Variants in ADAM29 observed in about 807,000 individuals in gnomAD.
The protein encoded by ADAM29 is ADAM metallopeptidase domain 29.
For synonymous variants in ADAM29, 367 were observed against 342.3 expected (o/e 1.07, Z -0.80); for missense variants, 969 against 1,001.8 (o/e 0.97, Z 0.44).
At chr4:174,920,907 A>G (rs897925787) in intron 2 of ADAM29, 115 bp downstream of exon 2, 2 of 152,166 alleles carry the variant, frequency 1.3e-5, no homozygotes, top group African/African-American at 2.4e-5. Flanking sequence ...GTTGACTATT[A>G]TCAAGGTGGA....
intron 2 of ADAM29, among the ~76,000 whole-genome samples, chr4:174,923,554 TATATATAC>T (rs1249788946): frequency 1.6e-5 from 2 of 124,456 alleles, no homozygotes; most frequent in Non-Finnish European, 3.6e-5. Context: ...TATATATATA[TATATATAC>T]ACACACACAT....
At position 174,962,396 on chromosome 4, in the gene ADAM29, C is replaced by T. The variant is rs576415786; in HGVS notation, c.-180-12950C>T. Among the ~76,000 whole-genome samples, 1,246 of 151,762 alleles carry T rather than the reference C, an allele frequency of 8.2e-3. 21 individuals carry two copies. Among genetic ancestry groups the T allele is most frequent in the African/African-American group, 0.027 (1,117 of 41,352 alleles). ...GCGTGGTGGGGGGCGCCTGTAGTCC[C>T]AGCTACTCGGGAGGCTGAGGCAGGA... On this transcript the variant is annotated intron_variant, in intron 4 of 4. Transcript: ENST00000359240.
intron 2 of ADAM29, among the ~76,000 whole-genome samples, chr4:174,928,337 G>T (rs545514302): frequency 6.6e-6 from 1 of 152,142 alleles, no homozygotes; most frequent in South Asian, 2.1e-4. Context: ...GCATCCTGGA[G>T]ATGTTTTTTG....
At chr4:174,946,758 C>A (rs1453099528) in intron 4 of ADAM29, among the ~76,000 whole-genome samples, 1 of 152,092 alleles carries the variant, frequency 6.6e-6, no homozygotes, top group Non-Finnish European at 1.5e-5. Flanking sequence ...ATGCTGGCCT[C>A]ATAGAATGAG....
chr4:174,935,060 A>G (rs368742078), intron 3 of ADAM29, among the ~76,000 whole-genome samples: 1 of 152,308 alleles, frequency 6.6e-6, no homozygotes, highest in African/African-American at 2.4e-5. Context: ...GTGTTCATAT[A>G]TTATAGGCAT....
chr4:174,965,967 T>C (rs930571567), intron 4 of ADAM29, among the ~76,000 whole-genome samples: 9 of 152,220 alleles, frequency 5.9e-5, no homozygotes, highest in African/African-American at 2.2e-4. Flanking sequence ...AGTCATCCCT[T>C]GATATCCAAG....
intron 4 of ADAM29, among the ~76,000 whole-genome samples, chr4:174,960,556 T>C (rs1399417127): frequency 1.3e-5 from 2 of 152,166 alleles, no homozygotes; most frequent in African/African-American, 4.8e-5. Flanking sequence ...TAAATCATTC[T>C]GGATGAGAAG....
intron 4 of ADAM29, among the ~76,000 whole-genome samples, chr4:174,972,564 C>T (rs1055439901): frequency 6.6e-6 from 1 of 152,028 alleles, no homozygotes; most frequent in Non-Finnish European, 1.5e-5. Flanking sequence ...TTGTGTAGTC[C>T]TGGAGAGGTT....
At chr4:174,928,569 T>TAAAAAAAAAAAAAA (rs70947474) in intron 2 of ADAM29, among the ~76,000 whole-genome samples, 1 of 131,814 alleles carries the variant, frequency 7.6e-6, no homozygotes, top group Non-Finnish European at 1.6e-5. Flanking sequence ...GTCATGTGCT[T>TAAAAAAAAAAAAAA]AAAAAAAAAA....
chr4:174,976,837 G>C lies in ADAM29; in HGVS notation c.1312G>C (p.Ala438Pro). The stretch of plus-strand genomic sequence containing the variant: ...CACTCTGACTGATGGTTCTACTTGT[G>C]CTTTTGGGCTTTGTTGCAAAGACTG... ...NCTLTDGSTC[A>P]FGLCCKDCKF... The change falls in exon 5 of 5, where the codon GCT (alanine) becomes CCT (proline). Residue 438 changes from alanine (A) to proline (P), a missense_variant. Physicochemically the swap from Ala to Pro is conservative, Grantham distance 27. Transcript: ENST00000359240. The C allele has an allele frequency of 6.2e-7, 1 of 1,614,178 alleles. No individual in the cohort carries two copies.
intron 4 of ADAM29, among the ~76,000 whole-genome samples, chr4:174,944,860 C>A (rs928528846): frequency 6.6e-6 from 1 of 152,138 alleles, no homozygotes; most frequent in African/African-American, 2.4e-5. Flanking sequence ...AGGTCATAAT[C>A]TCATTCTTTT....
At chr4:174,952,859 G>A (rs1415602194) in intron 4 of ADAM29, among the ~76,000 whole-genome samples, 2 of 152,122 alleles carry the variant, frequency 1.3e-5, no homozygotes, top group Non-Finnish European at 2.9e-5. Flanking sequence ...TAATCTGAGT[G>A]ACAAGCCAAA....
chr4:174,920,972 A>T (rs1743127828), intron 2 of ADAM29, among the ~76,000 whole-genome samples, 180 bp downstream of exon 2: 1 of 152,176 alleles, frequency 6.6e-6, no homozygotes, highest in Admixed American at 6.5e-5. Flanking sequence ...ATTGATCATT[A>T]CACCAATGGG....
chr4:174,944,884 G>A (rs965007384), intron 4 of ADAM29, among the ~76,000 whole-genome samples: 60 of 152,158 alleles, frequency 3.9e-4, no homozygotes, highest in African/African-American at 1.4e-3. Context: ...TGGCTGCATA[G>A]TATTCCATGG....
At chr4:174,922,574 T>C (rs1256064346) in intron 2 of ADAM29, among the ~76,000 whole-genome samples, 1 of 152,186 alleles carries the variant, frequency 6.6e-6, no homozygotes, top group Admixed American at 6.5e-5. Flanking sequence ...CTTCCATACT[T>C]TGGTGGGTTT....
intron 4 of ADAM29, among the ~76,000 whole-genome samples, chr4:174,970,639 T>C (rs1288248706): frequency 2.0e-5 from 3 of 152,166 alleles, no homozygotes; most frequent in Admixed American, 6.6e-5. Flanking sequence ...AATACATTTG[T>C]GTTGCTTTAA....
At chr4:174,950,641 G>A (rs1745113301) in intron 4 of ADAM29, among the ~76,000 whole-genome samples, 1 of 152,088 alleles carries the variant, frequency 6.6e-6, no homozygotes, top group South Asian at 2.1e-4. Context: ...GATTTCATAA[G>A]CTATAAAAAG....
intron 4 of ADAM29, among the ~76,000 whole-genome samples, chr4:174,939,326 C>T (rs1054412688): frequency 6.6e-6 from 1 of 152,064 alleles, no homozygotes; most frequent in African/African-American, 2.4e-5. Context: ...GTACTGATGT[C>T]GGCTAAGAAG....
At chr4:174,943,115 A>C (rs1047015620) in intron 4 of ADAM29, among the ~76,000 whole-genome samples, 1 of 151,932 alleles carries the variant, frequency 6.6e-6, no homozygotes, top group Non-Finnish European at 1.5e-5. Context: ...TCAATTCCTC[A>C]CCTCCACCTG....
Sources: allele counts gnomAD v4.1 joint callset (sites outside exome capture counted in the v4.1 genomes callset), GRCh38; gene constraint gnomAD v4.1.1; transcripts MANE v1.5; gene names NCBI Gene and HGNC (gene_info 2026-07-23, HGNC 2026-07-21).